Variants in BICD1 observed in about 807,000 individuals in gnomAD.
BICD1 encodes BICD cargo adaptor 1.
In BICD1, 35 loss-of-function variants were observed where a neutral mutation model predicts 92.5. That is an observed-to-expected ratio of 0.38 (90% CI 0.29 to 0.50). The LOEUF is 0.50. Ranked by LOEUF, BICD1 falls within the 20% of genes least tolerant of loss-of-function variation. BICD1 has a pLI of 0.93. For missense variants in BICD1, 950 were observed against 1,189.8 expected (o/e 0.80, Z 2.97); for synonymous variants, 429 against 465.1 (o/e 0.92, Z 1.00).
intron 2 of BICD1, among the ~76,000 whole-genome samples, chr12:32,223,039 A>G (rs796468156): frequency 2.6e-5 from 4 of 152,380 alleles, no homozygotes; most frequent in African/African-American, 9.6e-5. Context: ...GTTTACCTTT[A>G]TCAATGATCT....
intron 1 of BICD1, among the ~76,000 whole-genome samples, chr12:32,112,125 G>A (rs1308412077): frequency 1.3e-5 from 2 of 148,902 alleles, no homozygotes; most frequent in African/African-American, 5.0e-5. Context: ...TTCTGCTTCA[G>A]CCTCCCGAGT....
intron 1 of BICD1, among the ~76,000 whole-genome samples, chr12:32,117,748 A>G (rs1941982321): frequency 9.8e-6 from 1 of 101,562 alleles, no homozygotes; most frequent in Non-Finnish European, 2.3e-5. Flanking sequence ...ATATATATAT[A>G]TATATATATA....
chr12:32,179,870 A>G (rs1234130635), intron 1 of BICD1, among the ~76,000 whole-genome samples: 1 of 151,400 alleles, frequency 6.6e-6, no homozygotes, highest in Admixed American at 6.6e-5. Context: ...GGCACCTGTA[A>G]TCCCAGCTAC....
At chr12:32,115,284 A>G (rs1404834834) in intron 1 of BICD1, among the ~76,000 whole-genome samples, 1 of 152,006 alleles carries the variant, frequency 6.6e-6, no homozygotes, top group Non-Finnish European at 1.5e-5. Flanking sequence ...TTCTTCTCCC[A>G]CAGTTCTGTC....
At chr12:32,363,850 G>A (rs1939424428) in intron 8 of BICD1, among the ~76,000 whole-genome samples, 1 of 152,164 alleles carries the variant, frequency 6.6e-6, no homozygotes, top group South Asian at 2.1e-4. Context: ...CCTCCTAGTG[G>A]AGTTTGTCAA....
chr12:32,330,662 G>T (rs1315463092), intron 5 of BICD1, among the ~76,000 whole-genome samples: 1 of 151,744 alleles, frequency 6.6e-6, no homozygotes, highest in African/African-American at 2.4e-5. Flanking sequence ...CTAATTTTAG[G>T]TCGGAATAAA....
intron 2 of BICD1, among the ~76,000 whole-genome samples, chr12:32,216,782 C>T (rs1005298514): frequency 2.6e-5 from 4 of 152,192 alleles, no homozygotes; most frequent in Non-Finnish European, 4.4e-5. Context: ...TGGTTTAATA[C>T]AATGTGGAGA....
At chr12:32,358,942 C>T (rs954745103) in intron 8 of BICD1, among the ~76,000 whole-genome samples, 4 of 152,030 alleles carry the variant, frequency 2.6e-5, no homozygotes, top group African/African-American at 7.2e-5. Context: ...TTCTTCTGCC[C>T]GCTCTTCCTT....
At chr12:32,329,123 G>T (rs1937709982) in intron 5 of BICD1, among the ~76,000 whole-genome samples, 2 of 151,544 alleles carry the variant, frequency 1.3e-5, no homozygotes, top group Non-Finnish European at 2.9e-5. Context: ...TTTTTGTTTT[G>T]AGACAGAGTC....
intron 2 of BICD1, among the ~76,000 whole-genome samples, chr12:32,231,145 G>T (rs1438650522): frequency 1.3e-5 from 2 of 152,026 alleles, no homozygotes; most frequent in East Asian, 3.8e-4. Context: ...ATAAGGACAG[G>T]CATCTCCATA....
chr12:32,281,110 A>G (rs756947509), intron 2 of BICD1, among the ~76,000 whole-genome samples: 1 of 152,232 alleles, frequency 6.6e-6, no homozygotes, highest in Non-Finnish European at 1.5e-5. Context: ...TAGCCTCTGC[A>G]GAACACCCTA....
At chr12:32,180,753 G>A (rs2121523078) in intron 1 of BICD1, among the ~76,000 whole-genome samples, 1 of 151,906 alleles carries the variant, frequency 6.6e-6, no homozygotes. Context: ...AATAATAAAA[G>A]CTAGCATTCC....
intron 8 of BICD1, chr12:32,354,178 A>G (rs1434909887): frequency 2.0e-5 from 3 of 152,230 alleles, no homozygotes; most frequent in Admixed American, 2.0e-4. Flanking sequence ...GTCATCTGAT[A>G]TTCATCAGGA....
chr12:32,359,399 G>A (rs572044147), intron 8 of BICD1, among the ~76,000 whole-genome samples: 1 of 152,056 alleles, frequency 6.6e-6, no homozygotes, highest in Non-Finnish European at 1.5e-5. Flanking sequence ...TTGCTGGTGG[G>A]GACTCTGCAG....
At chr12:32,198,326 C>CTATATATATATATATATATATATA (rs1233094983) in intron 1 of BICD1, among the ~76,000 whole-genome samples, 1 of 112,250 alleles carries the variant, frequency 8.9e-6, no homozygotes, top group Non-Finnish European at 1.7e-5. Flanking sequence ...TAATATGCAT[C>CTATATATATATATATATATATATA]TATCTATATA....
intron 1 of BICD1, among the ~76,000 whole-genome samples, chr12:32,164,303 TA>T (rs1943689143): frequency 6.6e-6 from 1 of 152,256 alleles, no homozygotes; most frequent in Non-Finnish European, 1.5e-5. Context: ...TTTATTGTTA[TA>T]TTTTTTAAGG....
rs2136331802 is a variant in BICD1, at chr12:32,367,737, A to G, written c.2832A>G (p.Pro944=). ...AACTAGCCGGGAGGCAAGACTGCCCAACTGTCAGGTAAATTCAGATGTCCT... is the reference window on the plus strand; with the variant it reads ...AACTAGCCGGGAGGCAAGACTGCCCGACTGTCAGGTAAATTCAGATGTCCT... The part of the protein sequence containing the change: ...CSQLAGRQDC[P]TVSPDTALPE... The change falls in exon 9 of 10, where the codon CCA becomes CCG. Residue 944 remains proline, a synonymous_variant. Coordinates refer to ENST00000652176, the MANE Select transcript of BICD1 (RefSeq NM_001714.4). 1 of 1,613,938 alleles carries G rather than the reference A, an allele frequency of 6.2e-7. No homozygotes were observed. The highest frequency in any genetic ancestry group is 2.2e-5 in the East Asian group (1 of 44,886).
rs375672599 is a variant in BICD1 at position 32,328,461 on chromosome 12, C to G, written c.2006C>G (p.Ala669Gly). 2.5e-6 allele frequency: 4 copies of G among 1,614,034 alleles called. No individual in the cohort carries two copies. The highest frequency in any genetic ancestry group is 3.3e-5 in the Admixed American group (2 of 59,992). Residue 669 changes from alanine to glycine, a missense_variant, in exon 5 of 10, where the codon GCC (alanine) becomes GGC (glycine). Ala to Gly is a moderately conservative substitution (Grantham distance 60). Around this residue, in one of 5 missense-constraint regions of BICD1, gnomAD observed 309 missense variants for 499.4 expected, o/e 0.62. Transcript: ENST00000652176. This position sits in a 1 kb window ranked among gnomAD's most constrained non-coding sequence, Gnocchi z 4.4. ...CCCATGATTGATAAAGACAAGGAAG[C>G]CTTAATGGAAGAGATCCTCAAGCTA... ...LAPMIDKDKE[A>G]LMEEILKLKS...
intron 2 of BICD1, among the ~76,000 whole-genome samples, chr12:32,277,521 A>G (rs763043980): frequency 9.2e-5 from 14 of 152,342 alleles, no homozygotes; most frequent in African/African-American, 1.9e-4. Flanking sequence ...TTCATTACCA[A>G]TAGTTGGGCT....
Sources: gnomAD v4.1 joint callset for allele counts (sites outside exome capture counted in the v4.1 genomes callset) on GRCh38, gnomAD v4.1.1 for gene constraint, gnomAD v4.1.1 regional missense constraint, Gnocchi (gnomAD v3.1) non-coding constraint, MANE v1.5 for transcripts, NCBI Gene and HGNC (gene_info 2026-07-23, HGNC 2026-07-21) for gene names.